Variants in GALNT13 observed in about 807,000 individuals in gnomAD.
The protein encoded by GALNT13 is UDP-GalNAc:polypeptide N-acetylgalactosaminyltransferase 13.
GALNT13 carries 28 observed loss-of-function variants against 64.2 expected under a neutral mutation model. That is an observed-to-expected ratio of 0.44 (90% CI 0.32 to 0.60). The LOEUF (loss-of-function observed/expected upper bound fraction) is 0.60, where lower values mean the gene tolerates loss of function less well. GALNT13 is among the 20% of genes least tolerant of loss of function. The pLI is 0.05. For synonymous variants in GALNT13, 214 were observed against 224.6 expected (o/e 0.95, Z 0.42); for missense variants, 577 against 669.8 (o/e 0.86, Z 1.53).
chr2:154,395,945 A>G (rs902457471), intron 9 of GALNT13, 46 bp from the exon 10 acceptor site: 2 of 1,539,060 alleles, frequency 1.3e-6, no homozygotes, highest in Non-Finnish European at 1.7e-6. Context: ...ACAGTACTAA[A>G]ACAAAAATAG....
the GALNT13 span, among the ~76,000 whole-genome samples, chr2:153,791,952 G>A: frequency 1.3e-5 from 2 of 152,044 alleles, no homozygotes; most frequent in African/African-American, 2.4e-5. Context: ...AGAAAAAATA[G>A]CTATTGAGTA....
At chr2:154,160,910 A>G (rs1366639435) in intron 4 of GALNT13, among the ~76,000 whole-genome samples, 3 of 152,206 alleles carry the variant, frequency 2.0e-5, no homozygotes, top group Admixed American at 6.5e-5. Flanking sequence ...CAGTACTGCT[A>G]TCTTTCCAAT....
At chr2:153,719,277 T>C in the GALNT13 span, among the ~76,000 whole-genome samples, 19 of 145,332 alleles carry the variant, frequency 1.3e-4, no homozygotes, top group East Asian at 4.8e-3. Context: ...TAAAGATACT[T>C]AACTTATCTA....
intron 1 of GALNT13, among the ~76,000 whole-genome samples, chr2:153,891,030 T>C (rs2105267069): frequency 6.6e-6 from 1 of 152,206 alleles, no homozygotes; most frequent in East Asian, 1.9e-4. Context: ...AATAAATTCT[T>C]TCTTCTACCT....
chr2:154,265,613 C>T (rs919128647), intron 8 of GALNT13, among the ~76,000 whole-genome samples: 5 of 152,042 alleles, frequency 3.3e-5, no homozygotes, highest in South Asian at 2.1e-4. Flanking sequence ...ACAGGAGAAT[C>T]GCTTGAACCC....
the GALNT13 span, among the ~76,000 whole-genome samples, chr2:153,410,310 T>C: frequency 1.3e-5 from 2 of 151,810 alleles, no homozygotes; most frequent in Non-Finnish European, 2.9e-5. Context: ...TGCCCAGACT[T>C]ATCTAGAACT....
At chr2:153,378,261 T>TAGAC in the GALNT13 span, among the ~76,000 whole-genome samples, 1 of 23,980 alleles carries the variant, frequency 4.2e-5, no homozygotes, top group African/African-American at 2.2e-4. Context: ...ACATTATAGA[T>TAGAC]AGATAGATAG....
At chr2:154,129,831 C>A (rs1682508144) in intron 3 of GALNT13, among the ~76,000 whole-genome samples, 1 of 152,028 alleles carries the variant, frequency 6.6e-6, no homozygotes, top group South Asian at 2.1e-4. Flanking sequence ...TTAATGTACT[C>A]CTCCATGAGA....
At chr2:153,081,001 C>T in the GALNT13 span, among the ~76,000 whole-genome samples, 1 of 151,898 alleles carries the variant, frequency 6.6e-6, no homozygotes, top group Non-Finnish European at 1.5e-5. Flanking sequence ...CTGAATCTCT[C>T]TCCTTTAAAA....
At chr2:154,316,326 T>G (rs1299320033) in intron 9 of GALNT13, among the ~76,000 whole-genome samples, 1 of 152,192 alleles carries the variant, frequency 6.6e-6, no homozygotes, top group East Asian at 1.9e-4. Context: ...GCAATACATT[T>G]GAAAATTGTG....
chr2:154,233,037 C>CAAAAAAAAAAAA (rs375484057), intron 4 of GALNT13, among the ~76,000 whole-genome samples: 2 of 58,952 alleles, frequency 3.4e-5, no homozygotes, highest in Non-Finnish European at 7.1e-5. Context: ...GACCCTGTCT[C>CAAAAAAAAAAAA]AAAAAAAAAA....
At chr2:154,261,449 G>A (rs1690691910) in intron 8 of GALNT13, among the ~76,000 whole-genome samples, 1 of 152,048 alleles carries the variant, frequency 6.6e-6, no homozygotes, top group African/African-American at 2.4e-5. Flanking sequence ...GGTTTGTACT[G>A]TAGCTGAGGT....
chr2:154,436,762 C>G (rs1187779764), intron 11 of GALNT13: 1 of 152,026 alleles, frequency 6.6e-6, no homozygotes, highest in Non-Finnish European at 1.5e-5. Context: ...AGTAAAGAAC[C>G]TAGAAAATTT....
chr2:153,955,140 T>C (rs1692474432), intron 3 of GALNT13, among the ~76,000 whole-genome samples: 1 of 152,194 alleles, frequency 6.6e-6, no homozygotes, highest in South Asian at 2.1e-4. Context: ...GCAGTGAGTT[T>C]TGGGGTCAAC....
the GALNT13 span, among the ~76,000 whole-genome samples, chr2:153,718,355 T>G: frequency 3.3e-5 from 5 of 152,028 alleles, no homozygotes; most frequent in South Asian, 6.3e-4. Context: ...CCCTTTAGTG[T>G]CTCTCTTAAT....
Position 154,242,833 on chromosome 2 carries a change from C to A in GALNT13, c.614C>A (p.Thr205Asn), listed in dbSNP as rs770093086. ...GAAASKGQVI[T>N]FLDAHCECTL... ...GCTGCTTCAAAAGGGCAGGTCATAA[C>A]TTTTCTTGATGCACACTGTGAATGC... is the stretch of plus-strand genomic sequence containing the variant. Residue 205 changes from threonine (T) to asparagine (N), a missense_variant, in exon 6 of 13, where the codon ACT becomes AAT. Physicochemically the swap from Thr to Asn is moderately conservative, Grantham distance 65. This residue lies in a region of GALNT13 where 341 missense variants were observed against 379.3 expected (regional missense o/e 0.90). Transcript: ENST00000392825. 4.3e-6 allele frequency: 7 copies of A among 1,614,134 alleles called. No homozygotes were observed. The highest frequency in any genetic ancestry group is 5.1e-6 in the Non-Finnish European group (6 of 1,180,008).
At chr2:153,070,778 G>A in the GALNT13 span, among the ~76,000 whole-genome samples, 3 of 152,226 alleles carry the variant, frequency 2.0e-5, no homozygotes, top group African/African-American at 7.2e-5. Flanking sequence ...ATATGACTCT[G>A]TATATATTTA....
At chr2:153,759,459 T>C in the GALNT13 span, among the ~76,000 whole-genome samples, 1 of 152,114 alleles carries the variant, frequency 6.6e-6, no homozygotes, top group Admixed American at 6.5e-5. Flanking sequence ...ATGGCTTTCA[T>C]TGTGTTGAGG....
the GALNT13 span, among the ~76,000 whole-genome samples, chr2:153,400,347 G>A: frequency 1.3e-5 from 2 of 152,072 alleles, no homozygotes; most frequent in African/African-American, 4.8e-5. Context: ...TTGAGGATTT[G>A]TGCATCGATG....
Sources: allele counts gnomAD v4.1 joint callset (sites outside exome capture counted in the v4.1 genomes callset), GRCh38; gene constraint gnomAD v4.1.1; regional missense constraint gnomAD v4.1.1; transcripts MANE v1.5; gene names NCBI Gene and HGNC (gene_info 2026-07-23, HGNC 2026-07-21).